The following PIK3R3 variants were observed in gnomAD, a reference collection of about 807,000 sequenced individuals.
PIK3R3 encodes phosphatidylinositol 3-kinase regulatory subunit gamma.
Under a neutral mutation model 62.9 loss-of-function variants are expected in PIK3R3, and 64 were observed. The ratio of observed to expected loss-of-function variants is 1.02; its 90% CI spans 0.83 to 1.25. The LOEUF (loss-of-function observed/expected upper bound fraction) is 1.25. PIK3R3 is among the 50% of genes most tolerant of loss of function. PIK3R3 has a pLI of 0.00. For synonymous variants in PIK3R3, 165 were observed against 189.0 expected, an observed-to-expected ratio of 0.87 and a Z score of 1.04; for missense variants, 614 against 561.6, an observed-to-expected ratio of 1.09 and a Z score of -0.94.
chr1:46,098,766 C>G (rs1474391725), intron 1 of PIK3R3, among the ~76,000 whole-genome samples: 2 of 152,162 alleles, frequency 1.3e-5, no homozygotes, highest in Admixed American at 6.5e-5. Context: ...TGCAGTGGCA[C>G]TATCATAGCT....
intron 1 of PIK3R3, among the ~76,000 whole-genome samples, chr1:46,091,322 G>A (rs1651612479): frequency 6.6e-6 from 1 of 151,640 alleles, no homozygotes; most frequent in Non-Finnish European, 1.5e-5. Context: ...TGTATTTGTA[G>A]TAAAGACGGG....
chr1:46,144,639 G>A, the PIK3R3 span, among the ~76,000 whole-genome samples: 6 of 151,972 alleles, frequency 3.9e-5, no homozygotes, highest in African/African-American at 9.7e-5. Context: ...ATGGTGGCAC[G>A]CACCTGTAGT....
chr1:46,160,963 T>C, the PIK3R3 span, among the ~76,000 whole-genome samples: 8 of 152,184 alleles, frequency 5.3e-5, no homozygotes, highest in Non-Finnish European at 1.0e-4. Context: ...ACCGCATCAA[T>C]GTAGTTAAGG....
At chr1:46,069,468 G>A (rs1054595049) in intron 3 of PIK3R3, among the ~76,000 whole-genome samples, 4 of 150,948 alleles carry the variant, frequency 2.6e-5, no homozygotes, top group Non-Finnish European at 5.9e-5. Context: ...GCAGTGAGCC[G>A]AGATCACGCC....
At chr1:46,133,271 C>G (rs939552960), upstream of PIK3R3, among the ~76,000 whole-genome samples, 1 of 152,240 alleles carries the variant, frequency 6.6e-6, no homozygotes, top group Admixed American at 6.5e-5. Context: ...ACAGGCTGGG[C>G]GAGCGCTCGG....
chr1:46,062,436 G>C (rs1243162069), intron 5 of PIK3R3, among the ~76,000 whole-genome samples: 1 of 152,150 alleles, frequency 6.6e-6, no homozygotes, highest in African/African-American at 2.4e-5. Flanking sequence ...TTAGCCAGGC[G>C]TGGTGGCGGG....
At position 46,096,155 on chromosome 1, in the gene PIK3R3, AC is replaced by A. The variant is rs1652106357; in HGVS notation, c.107-15406del. Among the ~76,000 whole-genome samples, 5 of 152,350 alleles carry A rather than the reference AC, an allele frequency of 3.3e-5. No homozygotes were observed. The South Asian group carries it at 1.0e-3, about 32-fold the overall frequency. ...AATGAGTGGGCACGCATATACACTTACGTCATTCAAATAAATACTGTATTTG... is the reference window on the plus strand; with the variant it reads ...AATGAGTGGGCACGCATATACACTTAGTCATTCAAATAAATACTGTATTTG... On this transcript the variant is annotated intron_variant, in intron 1 of 9. Coordinates refer to ENST00000262741, the MANE Select transcript of PIK3R3 (RefSeq NM_003629.4).
At chr1:46,134,493 G>A (rs1391016510), upstream of PIK3R3, 1 of 152,172 alleles carries the variant, frequency 6.6e-6, no homozygotes, top group Non-Finnish European at 1.5e-5. Context: ...TTTGGGGCAG[G>A]ACTCATTAAT....
At chr1:46,090,562 T>C (rs1300138645) in intron 1 of PIK3R3, among the ~76,000 whole-genome samples, 3 of 152,142 alleles carry the variant, frequency 2.0e-5, no homozygotes, top group Non-Finnish European at 4.4e-5. Flanking sequence ...CTCAAACTCC[T>C]GACCTCATGA....
intron 6 of PIK3R3, chr1:46,056,623 T>C (rs1647943904): frequency 6.6e-6 from 1 of 152,250 alleles, no homozygotes; most frequent in African/African-American, 2.4e-5. Flanking sequence ...GCTAGAACTG[T>C]ATTGTTAAAA....
intron 1 of PIK3R3, among the ~76,000 whole-genome samples, chr1:46,082,025 A>G (rs1650641158): frequency 1.3e-5 from 2 of 152,240 alleles, no homozygotes; most frequent in South Asian, 4.1e-4. Context: ...TAAATAAAAG[A>G]AACAAAGATC....
At chr1:46,057,973 A>G (rs1242889518) in intron 6 of PIK3R3, among the ~76,000 whole-genome samples, 1 of 152,218 alleles carries the variant, frequency 6.6e-6, no homozygotes, top group Non-Finnish European at 1.5e-5. Flanking sequence ...GAGGTCTTCA[A>G]GGCAGCCCCT....
intron 5 of PIK3R3, among the ~76,000 whole-genome samples, chr1:46,064,168 G>A (rs11211252): frequency 0.46 from 69,614 of 151,864 alleles, 16,106 homozygotes; most frequent in East Asian, 0.62. Flanking sequence ...AGCCGAGATC[G>A]TGCCACTACA....
rs151265681 is a variant in PIK3R3 at position 46,118,835 on chromosome 1, C to G, written c.106+13012G>C. Reference sequence around the variant, plus strand: ...CCTCTCACAGTGCTGGGATTACAGGCATGAGCCACCACGCCCAGCCACTTG... The same window carrying G: ...CCTCTCACAGTGCTGGGATTACAGGGATGAGCCACCACGCCCAGCCACTTG... On this transcript the variant is annotated intron_variant, in intron 1 of 9. Transcript: ENST00000262741. Among the ~76,000 whole-genome samples the G allele has an allele frequency of 3.2e-3, 488 of 152,178 alleles. 1 individual carries two copies. Among genetic ancestry groups the G allele is most frequent in the African/African-American group, 0.011 (476 of 41,518 alleles).
At chr1:46,126,304 G>A (rs970978772) in intron 1 of PIK3R3, among the ~76,000 whole-genome samples, 7 of 151,132 alleles carry the variant, frequency 4.6e-5, no homozygotes, top group East Asian at 4.0e-4. Context: ...TTGGGAGGCC[G>A]ACTCGGGTGG....
In PIK3R3 at chr1:46,062,021, TTTAA is replaced by T. The variant is rs1450873819; in HGVS notation, c.668_671del (p.Ile223LysfsTer34). ...GTGTGTGACACTGCTCTTCAAATAT[TTTAA>T]TTGTTTCATTAAAAGCTTCTATTGC... On this transcript the variant is annotated frameshift_variant, in exon 6 of 10. Transcript: ENST00000262741. LOFTEE classifies it high-confidence loss of function. The T allele has an allele frequency of 7.4e-6, 12 of 1,612,390 alleles. No individual in the cohort carries two copies. Among genetic ancestry groups the T allele is most frequent in the Admixed American group, 6.7e-5 (4 of 59,990 alleles).
the PIK3R3 span, chr1:46,138,914 A>G: frequency 6.6e-6 from 1 of 152,362 alleles, no homozygotes; most frequent in Admixed American, 6.5e-5. Flanking sequence ...CTTGGAAAGG[A>G]GACATTCGGT....
At chr1:46,093,670 A>C (rs770417202) in intron 1 of PIK3R3, among the ~76,000 whole-genome samples, 4 of 152,020 alleles carry the variant, frequency 2.6e-5, no homozygotes, top group Admixed American at 6.6e-5. Flanking sequence ...CGGGCAGATC[A>C]CTTGAGTCCA....
intron 3 of PIK3R3, among the ~76,000 whole-genome samples, chr1:46,069,782 A>G (rs760317116): frequency 6.6e-6 from 1 of 152,204 alleles, no homozygotes; most frequent in South Asian, 2.1e-4. Flanking sequence ...GGTCAGAGAC[A>G]TGGAAGGAAG....
Sources: allele counts gnomAD v4.1 joint callset (sites outside exome capture counted in the v4.1 genomes callset), GRCh38; gene constraint gnomAD v4.1.1; transcripts MANE v1.5; gene names NCBI Gene and HGNC (gene_info 2026-07-23, HGNC 2026-07-21).